ITGA1: variants seen among roughly 807,000 people sequenced by gnomAD.
ITGA1 encodes integrin alpha-1.
Under a neutral mutation model 145.9 loss-of-function variants are expected in ITGA1, and 85 were observed. The ratio of observed to expected loss-of-function variants is 0.58; its 90% confidence interval spans 0.49 to 0.70. The LOEUF is 0.70. ITGA1 is among the 30% of genes least tolerant of loss of function. The pLI is 0.00. For synonymous variants in ITGA1, 520 were observed against 495.3 expected (o/e 1.05, Z -0.66); for missense variants, 1,351 against 1,418.7 (o/e 0.95, Z 0.77).
intron 26 of ITGA1, among the ~76,000 whole-genome samples, chr5:52,940,412 CTT>C (rs35106592): frequency 1.0e-3 from 136 of 133,752 alleles, no homozygotes; most frequent in Admixed American, 1.1e-3. Flanking sequence ...AGCCTTTTTT[CTT>C]TTTTTTTTTT....
At chr5:52,935,407 AT>A (rs1449181433) in intron 23 of ITGA1, among the ~76,000 whole-genome samples, 2 of 152,110 alleles carry the variant, frequency 1.3e-5, no homozygotes, top group Non-Finnish European at 2.9e-5. Context: ...AATTACTTAC[AT>A]TATCATATAT....
chr5:52,814,636 C>G (rs893913374), intron 1 of ITGA1, among the ~76,000 whole-genome samples: 20 of 151,776 alleles, frequency 1.3e-4, no homozygotes, highest in African/African-American at 4.4e-4. Flanking sequence ...TACCTTAAAC[C>G]TGGCTTCAGT....
intron 1 of ITGA1, among the ~76,000 whole-genome samples, chr5:52,832,251 TACTC>T (rs1749083064): frequency 1.3e-5 from 2 of 152,120 alleles, no homozygotes. Context: ...AGAGAGTTCA[TACTC>T]TGATTGGTCC....
chr5:52,861,465 G>A lies in ITGA1; in HGVS notation c.201G>A (p.Pro67=), dbSNP rs753075096. Residue 67 remains proline (P), a synonymous_variant, in exon 3 of 29, where the codon CCG becomes CCA. Transcript: ENST00000282588. The part of the protein sequence containing the change: ...EEGKWVLIGS[P]LVGQPKNRTG... ...CTTCCAGGGTGCTTATTGGTTCTCC[G>A]TTAGTTGGCCAACCCAAAAACAGAA... 2.0e-5 allele frequency: 33 copies of A among 1,612,650 alleles called. No individual in the cohort carries two copies. The highest frequency in any genetic ancestry group is 1.4e-4 in the South Asian group (13 of 91,004).
At chr5:52,801,880 A>T in intron 1 of ITGA1, 1 of 1,445,908 alleles carries the variant, frequency 6.9e-7, no homozygotes, top group Non-Finnish European at 9.4e-7. Context: ...GTGTTTCCTA[A>T]ACTGTTACAG....
Position 52,942,653 on chromosome 5 carries a change from C to T in ITGA1, c.3286-2290C>T, listed in dbSNP as rs573748548. 2.0e-5 allele frequency among the ~76,000 whole-genome samples: 3 copies of T among 151,690 alleles called. No individual in the cohort carries two copies. The South Asian group carries it at 6.2e-4, about 32-fold the overall frequency. On this transcript the variant is annotated intron_variant, in intron 26 of 28. Transcript: ENST00000282588. ...TCACGCCATTCTCTTGACTCAGCCT[C>T]CTGAGCAGCTGGGACTACAGGCACC...
Position 52,864,859 on chromosome 5 carries a change from T to C in ITGA1, c.384+8T>C, listed in dbSNP as rs1202896788. On this transcript the variant is annotated splice_region_variant and intron_variant, in intron 4 of 28. Coordinates refer to ENST00000282588, the MANE Select transcript of ITGA1 (RefSeq NM_181501.2). ...CCAAATGGAGGATTTCTGGTAAGAA[T>C]GGAGAGAATGATATTTATTGACAAC... 6.3e-7 allele frequency: 1 copy of C among 1,589,002 alleles called. No individual in the cohort carries two copies. Among genetic ancestry groups the C allele is most frequent in the Admixed American group, 1.7e-5 (1 of 59,778 alleles).
intron 14 of ITGA1, among the ~76,000 whole-genome samples, chr5:52,911,963 G>GT (rs1750554065): frequency 2.4e-5 from 2 of 81,782 alleles, no homozygotes; most frequent in Non-Finnish European, 5.2e-5. Flanking sequence ...ACTATATATA[G>GT]TGTATCTACT....
intron 22 of ITGA1, 136 bp downstream of exon 22, chr5:52,932,272 C>G (rs1368967897): frequency 1.7e-6 from 1 of 592,876 alleles, no homozygotes; most frequent in Admixed American, 3.1e-5. Context: ...CACCAGAAAC[C>G]TACCAAATCA....
At chr5:52,908,711 G>A (rs981205899) in intron 12 of ITGA1, among the ~76,000 whole-genome samples, 187 bp from the exon 13 acceptor site, 5 of 152,148 alleles carry the variant, frequency 3.3e-5, no homozygotes, top group East Asian at 3.8e-4. Flanking sequence ...AGATGGAACC[G>A]ACTGATATTC....
chr5:52,945,143 C>T (rs767628085), intron 27 of ITGA1, 108 bp downstream of exon 27: 10 of 745,978 alleles, frequency 1.3e-5, no homozygotes, highest in Non-Finnish European at 1.8e-5. Flanking sequence ...GTATTGCTCT[C>T]GGTAAGTGAC....
chr5:52,801,136 C>A, intron 1 of ITGA1: 1 of 1,577,274 alleles, frequency 6.3e-7, no homozygotes, highest in South Asian at 1.2e-5. Context: ...ACAATCTTAC[C>A]CAGGGATAAT....
chr5:52,887,028 C>T (rs568247079), intron 7 of ITGA1, among the ~76,000 whole-genome samples: 2 of 152,058 alleles, frequency 1.3e-5, no homozygotes, highest in South Asian at 4.1e-4. Context: ...CTGCCCGCCT[C>T]GGCCTCCCTG....
chr5:52,846,130 G>C (rs1038874473), intron 1 of ITGA1, among the ~76,000 whole-genome samples: 11 of 152,302 alleles, frequency 7.2e-5, no homozygotes, highest in Non-Finnish European at 1.5e-4. Context: ...GCCGGGCGCA[G>C]TGACTCACAC....
rs376487394 is a variant in ITGA1 at position 52,869,113 on chromosome 5, G to A, written c.624+3296G>A. Among the ~76,000 whole-genome samples, 9 of 152,254 alleles carry A rather than the reference G, an allele frequency of 5.9e-5. No homozygotes were observed. In the East Asian group the frequency reaches 7.7e-4, roughly 13 times the overall value. ...TTTCAAAATCAGAATCTCTGAGGGT[G>A]GGGCTATAAGCCTGCATTATATATA... On this transcript the variant is annotated intron_variant, in intron 6 of 28. Transcript: ENST00000282588.
intron 7 of ITGA1, among the ~76,000 whole-genome samples, chr5:52,885,905 G>A (rs1027566642): frequency 6.6e-6 from 1 of 152,126 alleles, no homozygotes; most frequent in African/African-American, 2.4e-5. Flanking sequence ...ATTGGACTTT[G>A]GTTTGATTAT....
At chr5:52,934,932 C>G (rs1487869513) in intron 23 of ITGA1, among the ~76,000 whole-genome samples, 1 of 151,748 alleles carries the variant, frequency 6.6e-6, no homozygotes, top group Non-Finnish European at 1.5e-5. Context: ...AGCATAAATG[C>G]CAATCACTCT....
rs1156349330 is a variant in ITGA1 at position 52,953,222 on chromosome 5, A to T, written c.*771A>T. On this transcript the variant is annotated 3_prime_UTR_variant, in exon 29 of 29. Transcript: ENST00000282588. ...CTCTTTTATACTGAAAAAACACTTA[A>T]AGTAGTTTTGTGTGGCATCACAGTG... 2.0e-5 allele frequency: 3 copies of T among 152,194 alleles called. No individual in the cohort carries two copies. The highest frequency in any genetic ancestry group is 2.9e-5 in the Non-Finnish European group (2 of 68,028). The allele number at this position is 152,194 out of a possible 1,614,324, so 9.4% of individuals were successfully genotyped here. A position where few individuals can be genotyped will look rare whatever the true frequency, so the allele number is the denominator to read the frequency against.
chr5:52,847,128 C>G (rs370631739), intron 1 of ITGA1, among the ~76,000 whole-genome samples: 47 of 152,192 alleles, frequency 3.1e-4, no homozygotes, highest in African/African-American at 1.0e-3. Flanking sequence ...TAATAATTAT[C>G]TCCATGAGAG....
Sources: gnomAD v4.1 joint callset for allele counts (sites outside exome capture counted in the v4.1 genomes callset) on GRCh38, gnomAD v4.1.1 for gene constraint, MANE v1.5 for transcripts, NCBI Gene and HGNC (gene_info 2026-07-23, HGNC 2026-07-21) for gene names.